The following GRIK1 variants were observed in gnomAD, a reference collection of about 807,000 sequenced individuals.
GRIK1 encodes glutamate receptor ionotropic, kainate 1.
In GRIK1, 69 loss-of-function variants were observed where a neutral mutation model predicts 105.7. The observed-to-expected ratio is 0.65, with a 90% CI of 0.54 to 0.80. GRIK1 has a LOEUF of 0.80. GRIK1 is among the 30% of genes least tolerant of loss of function. GRIK1 has a pLI of 0.00. For synonymous variants in GRIK1, 438 were observed against 431.3 expected, an observed-to-expected ratio of 1.02 and a Z score of -0.19; for missense variants, 1,109 against 1,167.3, an observed-to-expected ratio of 0.95 and a Z score of 0.73.
intron 1 of GRIK1, among the ~76,000 whole-genome samples, chr21:29,718,356 AT>A (rs1216286267): frequency 1.3e-5 from 2 of 152,162 alleles, no homozygotes; most frequent in Non-Finnish European, 2.9e-5. Flanking sequence ...GTTTTCATTT[AT>A]TATTTATCCA....
chr21:29,680,411 CT>C (rs2063348575), intron 3 of GRIK1, among the ~76,000 whole-genome samples: 1 of 152,222 alleles, frequency 6.6e-6, no homozygotes, highest in African/African-American at 2.4e-5. Flanking sequence ...TACTCTTCTA[CT>C]GTATTGCCTC....
intron 1 of GRIK1, among the ~76,000 whole-genome samples, chr21:29,869,776 T>C (rs1400136652): frequency 6.6e-6 from 1 of 152,152 alleles, no homozygotes; most frequent in African/African-American, 2.4e-5. Context: ...TAGGAAAACA[T>C]AAACAAACAT....
At chr21:29,707,977 C>T (rs547404821) in intron 1 of GRIK1, among the ~76,000 whole-genome samples, 3 of 152,096 alleles carry the variant, frequency 2.0e-5, no homozygotes, top group East Asian at 1.9e-4. Flanking sequence ...AAGCACTTTT[C>T]GTGTTTTTAC....
intron 4 of GRIK1, among the ~76,000 whole-genome samples, chr21:29,663,534 A>T (rs1164230889): frequency 6.6e-6 from 1 of 152,214 alleles, no homozygotes; most frequent in East Asian, 1.9e-4. Flanking sequence ...AGAATTAATT[A>T]GATACAGCTT....
chr21:29,832,729 G>A (rs1392756584), intron 1 of GRIK1, among the ~76,000 whole-genome samples: 1 of 152,174 alleles, frequency 6.6e-6, no homozygotes, highest in African/African-American at 2.4e-5. Flanking sequence ...AGCCCTCTGG[G>A]CCTGTGACAG....
chr21:29,757,236 G>A (rs985558639), intron 1 of GRIK1, among the ~76,000 whole-genome samples: 2 of 152,148 alleles, frequency 1.3e-5, no homozygotes, highest in Non-Finnish European at 2.9e-5. Context: ...GGGGTTGGTG[G>A]CCTCATTTCA....
intron 1 of GRIK1, among the ~76,000 whole-genome samples, chr21:29,813,363 C>T (rs528767994): frequency 4.5e-4 from 69 of 152,198 alleles, no homozygotes; most frequent in African/African-American, 1.6e-3. Context: ...TATTTTTGTA[C>T]TATCAAAACC....
chr21:29,666,515 A>T (rs1474700900), intron 4 of GRIK1, among the ~76,000 whole-genome samples: 1 of 152,198 alleles, frequency 6.6e-6, no homozygotes, highest in African/African-American at 2.4e-5. Context: ...ATTCATTTTC[A>T]AGGTCTCTTT....
intron 13 of GRIK1, among the ~76,000 whole-genome samples, chr21:29,578,730 A>G (rs1016972547): frequency 6.6e-6 from 1 of 152,064 alleles, no homozygotes; most frequent in Non-Finnish European, 1.5e-5. Flanking sequence ...TTGTTTTAAT[A>G]TTGTGGTTTA....
At chr21:29,686,560 G>A (rs1018546298) in intron 3 of GRIK1, among the ~76,000 whole-genome samples, 2 of 152,210 alleles carry the variant, frequency 1.3e-5, no homozygotes, top group African/African-American at 2.4e-5. Flanking sequence ...GTGAAATAGG[G>A]CCAAAAGGCC....
At chr21:29,840,699 T>G (rs1237149180) in intron 1 of GRIK1, among the ~76,000 whole-genome samples, 2 of 152,176 alleles carry the variant, frequency 1.3e-5, no homozygotes, top group East Asian at 3.8e-4. Context: ...CTCATAATAT[T>G]TTTTTACACT....
chr21:29,621,130 AAAG>A (rs1258043668), intron 7 of GRIK1, among the ~76,000 whole-genome samples: 1 of 152,114 alleles, frequency 6.6e-6, no homozygotes, highest in Non-Finnish European at 1.5e-5. Context: ...TAAATTTTAA[AAAG>A]AAGAAAGCCA....
chr21:29,576,858 C>T, intron 14 of GRIK1, 106 bp downstream of exon 14: 7 of 658,154 alleles, frequency 1.1e-5, no homozygotes, highest in South Asian at 8.8e-5. Context: ...AAAAATTACC[C>T]AACATCTTTT....
chr21:29,663,202 T>A (rs565312314), intron 4 of GRIK1, among the ~76,000 whole-genome samples: 45 of 152,270 alleles, frequency 3.0e-4, no homozygotes, highest in African/African-American at 1.1e-3. Flanking sequence ...TAATAGGAGG[T>A]GCAAGTGGCA....
chr21:29,933,505 C>G (rs1258485461), intron 1 of GRIK1, among the ~76,000 whole-genome samples: 2 of 152,092 alleles, frequency 1.3e-5, no homozygotes, highest in African/African-American at 2.4e-5. Flanking sequence ...TTTCAAAAAG[C>G]CTTTACTATA....
chr21:29,734,173 G>T (rs1454675800), intron 1 of GRIK1, among the ~76,000 whole-genome samples: 3 of 151,930 alleles, frequency 2.0e-5, no homozygotes, highest in African/African-American at 7.3e-5. Flanking sequence ...AAATAAAAAT[G>T]CCCCACTTCC....
chr21:29,601,371 C>A lies in GRIK1; in HGVS notation c.1099-2434G>T, dbSNP rs117491931. On this transcript the variant is annotated intron_variant, in intron 7 of 17. Coordinates refer to ENST00000327783, the MANE Select transcript of GRIK1 (RefSeq NM_001330994.2). ...AGTTTGCAGATGGTAGAATGTGGGACTTCTCAGCCTCCATGTTGGTGTGCC... is the reference window on the plus strand; with the variant it reads ...AGTTTGCAGATGGTAGAATGTGGGAATTCTCAGCCTCCATGTTGGTGTGCC... The A allele has an allele frequency of 7.4e-5, 25 of 338,242 alleles. No homozygotes were observed. The Middle Eastern group carries it at 1.7e-3, about 23-fold the overall frequency. The allele number at this position is 338,242 out of a possible 1,614,324, so 21.0% of individuals were successfully genotyped here.
intron 14 of GRIK1, among the ~76,000 whole-genome samples, chr21:29,574,633 G>GAAGA (rs1207439934): frequency 6.7e-6 from 1 of 148,958 alleles, no homozygotes; most frequent in Non-Finnish European, 1.5e-5. Flanking sequence ...ACTGTCCAAA[G>GAAGA]AAGAAACAAT....
chr21:29,888,195 T>TTCTC lies in GRIK1; in HGVS notation c.118+51184_118+51187dup, dbSNP rs780446480. ...TTTCTTTCTTTCTTCCTTTCTTTCT[T>TTCTC]TCTCTCTCTCTCTCTCTCTCTCTCT... On this transcript the variant is annotated intron_variant, in intron 1 of 17. Coordinates refer to ENST00000327783, the MANE Select transcript of GRIK1 (RefSeq NM_001330994.2). Among the ~76,000 whole-genome samples the TTCTC allele has an allele frequency of 6.9e-3, 154 of 22,182 alleles. 4 individuals carry two copies. The highest frequency in any genetic ancestry group is 9.7e-3 in the East Asian group (3 of 308). The allele number at this position is 22,182 out of a possible 152,430, so 14.6% of individuals were successfully genotyped here.
Sources: gnomAD v4.1 joint callset for allele counts (sites outside exome capture counted in the v4.1 genomes callset) on GRCh38, gnomAD v4.1.1 for gene constraint, MANE v1.5 for transcripts, NCBI Gene and HGNC (gene_info 2026-07-23, HGNC 2026-07-21) for gene names.